DNAH6: variants seen among roughly 807,000 people sequenced by gnomAD.
DNAH6 encodes the protein dynein axonemal heavy chain 6.
Under a neutral mutation model 491.4 loss-of-function variants are expected in DNAH6, and 340 were observed. The ratio of observed to expected loss-of-function variants is 0.69; its 90% CI spans 0.63 to 0.76. The LOEUF is 0.76. Ranked by LOEUF, DNAH6 falls within the 30% of genes least tolerant of loss-of-function variation. DNAH6 has a pLI of 0.00. For synonymous variants in DNAH6, 1,603 were observed against 1,686.1 expected (o/e 0.95, Z 1.21); for missense variants, 4,443 against 4,972.2 (o/e 0.89, Z 3.20).
intron 60 of DNAH6, 40 bp downstream of exon 60, chr2:84,722,844 G>A: frequency 8.0e-7 from 1 of 1,243,554 alleles, no homozygotes. Flanking sequence ...CATCTCTTTG[G>A]CCTCCATTAC....
rs114289210 is a variant in DNAH6 at position 84,789,084 on chromosome 2, G to T, written c.11239+1782G>T. Among the ~76,000 whole-genome samples the T allele has an allele frequency of 2.2e-3, 336 of 152,266 alleles. 2 individuals are homozygous for T. Among genetic ancestry groups the T allele is most frequent in the African/African-American group, 7.9e-3 (330 of 41,554 alleles). On this transcript the variant is annotated intron_variant, in intron 68 of 76. Transcript: ENST00000389394. ...GGCAAATATTGATACTTTACAAAAA[G>T]TTTATAGGGACAGTGCCCCAAACAA... is the stretch of plus-strand genomic sequence containing the variant.
chr2:84,708,566 AAG>A (rs1288905131), intron 54 of DNAH6, among the ~76,000 whole-genome samples: 6 of 148,788 alleles, frequency 4.0e-5, no homozygotes, highest in Non-Finnish European at 9.0e-5. Flanking sequence ...GAAGGAAAGA[AAG>A]AGGGAAGGAA....
intron 71 of DNAH6, among the ~76,000 whole-genome samples, chr2:84,806,412 G>C (rs2105319591): frequency 6.6e-6 from 1 of 152,242 alleles, no homozygotes; most frequent in Middle Eastern, 3.4e-3. Context: ...AAGGTCAGGA[G>C]ATCAAGACTA....
chr2:84,564,179 GCT>G (rs1680944061), intron 11 of DNAH6, among the ~76,000 whole-genome samples: 2 of 152,050 alleles, frequency 1.3e-5, no homozygotes, highest in South Asian at 4.1e-4. Flanking sequence ...TGGCTAGTTG[GCT>G]CTTTTTTGGT....
intron 16 of DNAH6, 137 bp from the exon 17 acceptor site, chr2:84,593,835 G>T: frequency 5.6e-6 from 2 of 356,330 alleles, no homozygotes; most frequent in Non-Finnish European, 1.0e-5. Flanking sequence ...TCTGTTTCTA[G>T]TGCTCCTTTT....
At chr2:84,544,605 ATTC>A (rs1268708757) in intron 5 of DNAH6, 105 bp downstream of exon 5, 10 of 689,376 alleles carry the variant, frequency 1.5e-5, no homozygotes, top group Non-Finnish European at 2.1e-5. Flanking sequence ...AATATTTTAT[ATTC>A]TTAAGAGAAT....
At chr2:84,802,281 A>G (rs1015593528) in intron 70 of DNAH6, among the ~76,000 whole-genome samples, 1 of 152,238 alleles carries the variant, frequency 6.6e-6, no homozygotes, top group African/African-American at 2.4e-5. Context: ...GAATTAAAAA[A>G]CAAGACCCAT....
chr2:84,772,624 A>C (rs542983517), intron 64 of DNAH6, among the ~76,000 whole-genome samples: 1 of 152,266 alleles, frequency 6.6e-6, no homozygotes, highest in African/African-American at 2.4e-5. Flanking sequence ...TATGCACCTA[A>C]CAACCAAGTC....
intron 74 of DNAH6, 106 bp from the exon 75 acceptor site, chr2:84,813,864 TG>T: frequency 8.8e-7 from 1 of 1,136,074 alleles, no homozygotes; most frequent in Non-Finnish European, 1.3e-6. Context: ...TTCTCTGTGG[TG>T]GGAAGGCTCT....
chr2:84,476,188 T>C, the DNAH6 span, among the ~76,000 whole-genome samples: 1 of 152,358 alleles, frequency 6.6e-6, no homozygotes, highest in East Asian at 1.9e-4. Flanking sequence ...TTGGCCCATA[T>C]TGACTAATGG....
In DNAH6 at chr2:84,800,723, A is replaced by T. The variant is rs538971446; in HGVS notation, c.11481+3065A>T. 2.2e-4 allele frequency among the ~76,000 whole-genome samples: 33 copies of T among 152,288 alleles called. 1 individual carries two copies. Among genetic ancestry groups the T allele is most frequent in the African/African-American group, 7.7e-4 (32 of 41,572 alleles). ...AAAAATAAAGAAAAGAGAATTTTTT[A>T]AAAAATGAGCAAAGGCTCTGAGAAA... On this transcript the variant is annotated intron_variant, in intron 70 of 76. Coordinates refer to ENST00000389394, the MANE Select transcript of DNAH6 (RefSeq NM_001370.2).
intron 3 of DNAH6, among the ~76,000 whole-genome samples, chr2:84,528,487 A>G (rs1203730924): frequency 6.6e-6 from 1 of 151,956 alleles, no homozygotes; most frequent in Non-Finnish European, 1.5e-5. Context: ...GCTGTCCAAG[A>G]CTCCACTCAC....
At chr2:84,780,787 T>TG (rs113073677) in intron 64 of DNAH6, among the ~76,000 whole-genome samples, 22,838 of 152,034 alleles carry the variant, frequency 0.15, 1,847 homozygotes, top group African/African-American at 0.21. Context: ...GGCTTTTTTT[T>TG]TTGTATTCCT....
intron 37 of DNAH6, among the ~76,000 whole-genome samples, 162 bp downstream of exon 37, chr2:84,659,331 AT>A (rs1691262847): frequency 6.6e-6 from 1 of 152,126 alleles, no homozygotes; most frequent in South Asian, 2.1e-4. Context: ...CATTTATCAT[AT>A]TTTTTAAGTT....
At position 84,571,688 on chromosome 2, in the gene DNAH6, C is replaced by T. The variant is rs185666178; in HGVS notation, c.1804-1779C>T. ...CAACACTTTGGGAGGCCTAGGTGGG[C>T]GGATCACAAGGTCAGGAGTTCAAGA... On this transcript the variant is annotated intron_variant, in intron 11 of 76. Transcript: ENST00000389394. Among the ~76,000 whole-genome samples, 456 of 150,758 alleles carry T rather than the reference C, an allele frequency of 3.0e-3. 4 individuals carry two copies. Among genetic ancestry groups the T allele is most frequent in the Admixed American group, 0.027 (412 of 15,124 alleles).
chr2:84,659,672 T>C (rs186185076), intron 37 of DNAH6, among the ~76,000 whole-genome samples: 4 of 152,280 alleles, frequency 2.6e-5, no homozygotes, highest in Admixed American at 6.5e-5. Flanking sequence ...ATATTCAAAA[T>C]GTTAACATAC....
At chr2:84,549,598 A>G (rs911672962) in intron 8 of DNAH6, among the ~76,000 whole-genome samples, 8 of 152,330 alleles carry the variant, frequency 5.3e-5, no homozygotes, top group Admixed American at 2.0e-4. Context: ...AGCTAGATAA[A>G]CTAGATGCAT....
intron 23 of DNAH6, among the ~76,000 whole-genome samples, chr2:84,618,204 C>G (rs1296564630): frequency 6.6e-6 from 1 of 152,072 alleles, no homozygotes; most frequent in Non-Finnish European, 1.5e-5. Context: ...GAACTGAGGA[C>G]CACTTTGAGG....
Position 84,812,443 on chromosome 2 carries a change from C to G in DNAH6, c.11842C>G (p.Leu3948Val). 1 of 1,551,758 alleles carries G rather than the reference C, an allele frequency of 6.4e-7. No homozygotes were observed. Among genetic ancestry groups the G allele is most frequent in the Non-Finnish European group, 8.7e-7 (1 of 1,146,994 alleles). Residue 3948 changes from leucine (L) to valine (V), a missense_variant, in exon 73 of 77, where the codon CTG (leucine) becomes GTG (valine). Transcript: ENST00000389394. ...TTTCCTCAACAACCAGGTTCCCGCT[C>G]TGTGGTCCAACACAGCCTACCCATC... The part of the protein sequence containing the change: ...NSFLNNQVPA[L>V]WSNTAYPSLK...
Sources: gnomAD v4.1 joint callset for allele counts (sites outside exome capture counted in the v4.1 genomes callset) on GRCh38, gnomAD v4.1.1 for gene constraint, MANE v1.5 for transcripts, NCBI Gene and HGNC (gene_info 2026-07-23, HGNC 2026-07-21) for gene names.